NKAIN3: variants seen among roughly 807,000 people sequenced by gnomAD.
NKAIN3 encodes the protein sodium/potassium transporting ATPase interacting 3.
Under a neutral mutation model 30.2 loss-of-function variants are expected in NKAIN3, and 25 were observed. The observed-to-expected ratio is 0.83, with a 90% CI of 0.60 to 1.16. NKAIN3 has a LOEUF of 1.16. Among genes scored for constraint, NKAIN3 ranks in the 50% most tolerant of loss-of-function variants. NKAIN3 has a pLI of 0.00. For synonymous variants in NKAIN3, 91 were observed against 89.6 expected (o/e 1.02, Z -0.09); for missense variants, 225 against 254.1 (o/e 0.89, Z 0.78).
At chr8:62,274,324 G>A (rs929828106) in intron 1 of NKAIN3, among the ~76,000 whole-genome samples, 1 of 152,092 alleles carries the variant, frequency 6.6e-6, no homozygotes, top group Non-Finnish European at 1.5e-5. Context: ...CTGTGTTTCT[G>A]TTGTTACTAT....
At chr8:62,603,652 A>G (rs1012526339) in intron 3 of NKAIN3, among the ~76,000 whole-genome samples, 1 of 152,194 alleles carries the variant, frequency 6.6e-6, no homozygotes, top group Non-Finnish European at 1.5e-5. Flanking sequence ...GAGGCTTCAG[A>G]TTGAACTTAA....
intron 5 of NKAIN3, among the ~76,000 whole-genome samples, chr8:62,931,935 G>T (rs554517207): frequency 5.9e-5 from 9 of 152,256 alleles, no homozygotes; most frequent in African/African-American, 1.9e-4. Flanking sequence ...TAAGTAGGCT[G>T]CTAACTCCTG....
intron 4 of NKAIN3, among the ~76,000 whole-genome samples, chr8:62,755,300 C>T (rs1816415316): frequency 5.9e-5 from 9 of 152,166 alleles, no homozygotes; most frequent in Admixed American, 5.9e-4. Flanking sequence ...GGGGTAAACT[C>T]TGTCAGATCC....
intron 3 of NKAIN3, among the ~76,000 whole-genome samples, chr8:62,637,249 A>T (rs1812159578): frequency 6.6e-6 from 1 of 152,166 alleles, no homozygotes; most frequent in South Asian, 2.1e-4. Context: ...GGCTGCTCTG[A>T]GTTCCTAGTG....
intron 1 of NKAIN3, among the ~76,000 whole-genome samples, chr8:62,412,087 C>A (rs1804255139): frequency 6.6e-6 from 1 of 151,798 alleles, no homozygotes; most frequent in African/African-American, 2.4e-5. Context: ...CATGTGGAAC[C>A]AAAAAAGAGT....
chr8:62,912,216 C>T (rs964259059), intron 4 of NKAIN3, among the ~76,000 whole-genome samples: 4 of 152,006 alleles, frequency 2.6e-5, no homozygotes, highest in Middle Eastern at 3.4e-3. Flanking sequence ...TATGGTATAA[C>T]ACATAAAAGT....
At position 62,710,792 on chromosome 8, in the gene NKAIN3, T is replaced by A. The variant is rs532942437; in HGVS notation, c.274-36140T>A. ...TGCCTGTGTACTTTGTTTCTTTTTC[T>A]TTTTTGTTTTTGTTTTTAACTTGTA... On this transcript the variant is annotated intron_variant, in intron 3 of 6. Transcript: ENST00000623646. Among the ~76,000 whole-genome samples, 5 of 152,320 alleles carry A rather than the reference T, an allele frequency of 3.3e-5. No homozygotes were observed. The South Asian group carries it at 1.0e-3, about 32-fold the overall frequency.
chr8:62,883,457 G>GTTTTTTTTTTTT (rs71559381), intron 4 of NKAIN3, among the ~76,000 whole-genome samples: 24 of 70,220 alleles, frequency 3.4e-4, no homozygotes, highest in South Asian at 1.2e-3. Flanking sequence ...AGTTTTATGG[G>GTTTTTTTTTTTT]TTTTTTTTTT....
chr8:62,491,649 A>G, intron 1 of NKAIN3, among the ~76,000 whole-genome samples: 1 of 152,332 alleles, frequency 6.6e-6, no homozygotes, highest in African/African-American at 2.4e-5. Context: ...ATAGATGCGG[A>G]AAAGAAGGTG....
chr8:62,909,151 T>C (rs1821863369), intron 4 of NKAIN3, among the ~76,000 whole-genome samples: 1 of 152,210 alleles, frequency 6.6e-6, no homozygotes, highest in African/African-American at 2.4e-5. Flanking sequence ...TCCTAGTACC[T>C]ACAGGTGTGA....
intron 1 of NKAIN3, among the ~76,000 whole-genome samples, chr8:62,315,773 A>T (rs544371117): frequency 1.3e-5 from 2 of 152,210 alleles, no homozygotes; most frequent in Non-Finnish European, 2.9e-5. Context: ...CTCTGGTCCA[A>T]GTGCTCAAGT....
At chr8:62,855,858 T>C in intron 4 of NKAIN3, 1 of 782,958 alleles carries the variant, frequency 1.3e-6, no homozygotes, top group Non-Finnish European at 2.3e-6. Flanking sequence ...ATCCAACTCC[T>C]CTTCCTGTGG....
At chr8:62,759,565 G>T (rs769904289) in intron 4 of NKAIN3, among the ~76,000 whole-genome samples, 1 of 152,110 alleles carries the variant, frequency 6.6e-6, no homozygotes, top group Non-Finnish European at 1.5e-5. Flanking sequence ...CAAATCATGA[G>T]AACATGGTCA....
intron 4 of NKAIN3, among the ~76,000 whole-genome samples, chr8:62,751,253 T>G (rs1271032439): frequency 6.6e-6 from 1 of 152,122 alleles, no homozygotes; most frequent in Non-Finnish European, 1.5e-5. Context: ...CTTATCCACC[T>G]AGCTCCTAGC....
chr8:62,845,285 T>TTTTA (rs1554583723), intron 4 of NKAIN3, among the ~76,000 whole-genome samples: 1 of 68,928 alleles, frequency 1.5e-5, no homozygotes, highest in Non-Finnish European at 3.0e-5. Flanking sequence ...GGATAGTAGA[T>TTTTA]TATATATATA....
intron 1 of NKAIN3, among the ~76,000 whole-genome samples, chr8:62,568,269 A>T (rs774449256): frequency 2.6e-5 from 4 of 152,204 alleles, no homozygotes; most frequent in Non-Finnish European, 5.9e-5. Context: ...AAATACACTA[A>T]GTCCCAGCTC....
chr8:62,545,945 A>C (rs779454400), intron 1 of NKAIN3, among the ~76,000 whole-genome samples: 4 of 152,226 alleles, frequency 2.6e-5, no homozygotes, highest in Non-Finnish European at 5.9e-5. Flanking sequence ...TCAAACTCTT[A>C]CTAATACTGA....
intron 1 of NKAIN3, among the ~76,000 whole-genome samples, chr8:62,263,890 CAAGA>C (rs1481330144): frequency 6.6e-6 from 1 of 152,086 alleles, no homozygotes; most frequent in Non-Finnish European, 1.5e-5. Context: ...TGCCAATTTA[CAAGA>C]AAGTCCTGAG....
chr8:62,498,820 T>G (rs1032718396), intron 1 of NKAIN3, among the ~76,000 whole-genome samples: 1 of 151,832 alleles, frequency 6.6e-6, no homozygotes, highest in African/African-American at 2.4e-5. Flanking sequence ...TCTCACAATG[T>G]AATGGGGAGG....
Sources: gnomAD v4.1 joint callset for allele counts (sites outside exome capture counted in the v4.1 genomes callset) on GRCh38, gnomAD v4.1.1 for gene constraint, MANE v1.5 for transcripts, NCBI Gene and HGNC (gene_info 2026-07-23, HGNC 2026-07-21) for gene names.